The following PDPN variants were observed in gnomAD, a reference collection of about 807,000 sequenced individuals.
PDPN encodes podoplanin.
In PDPN, 12 loss-of-function variants were observed where a neutral mutation model predicts 23.2. The observed-to-expected ratio is 0.52, with a 90% CI of 0.33 to 0.84. The LOEUF (loss-of-function observed/expected upper bound fraction) is 0.84. PDPN is among the 40% of genes least tolerant of loss of function. PDPN has a pLI of 0.02. For missense variants in PDPN, 199 were observed against 212.2 expected (o/e 0.94, Z 0.39); for synonymous variants, 77 against 76.7 (o/e 1.00, Z -0.02).
intron 1 of PDPN, among the ~76,000 whole-genome samples, chr1:13,604,583 A>G (rs1041817642): frequency 6.6e-6 from 1 of 150,994 alleles, no homozygotes; most frequent in Non-Finnish European, 1.5e-5. Context: ...AAAGAATTCA[A>G]TCTAATTTCA....
intron 1 of PDPN, among the ~76,000 whole-genome samples, chr1:13,603,906 TA>T (rs1389619805): frequency 6.6e-6 from 1 of 152,158 alleles, no homozygotes; most frequent in African/African-American, 2.4e-5. Context: ...TTTTTTAAAA[TA>T]ATCACAACAA....
At chr1:13,586,991 C>A (rs1239648073) in intron 1 of PDPN, among the ~76,000 whole-genome samples, 1 of 152,180 alleles carries the variant, frequency 6.6e-6, no homozygotes, top group African/African-American at 2.4e-5. Context: ...GCGGCAGTTG[C>A]AGTGAACCAA....
chr1:13,585,510 C>A, intron 1 of PDPN: 2 of 1,349,698 alleles, frequency 1.5e-6, no homozygotes, highest in Non-Finnish European at 2.0e-6. Context: ...CTCACCAGGG[C>A]AAAGCAAGGG....
In PDPN at chr1:13,599,373, C is replaced by CTTTTT. The variant is rs70984267; in HGVS notation, c.68-7774_68-7770dup. ...TATCTTGATGTGTTCGAGAAGCTAT[C>CTTTTT]TTTTTTTTTTTTTTTTTTTTTTTTT... On this transcript the variant is annotated intron_variant, in intron 1 of 5. Transcript: ENST00000621990. Among the ~76,000 whole-genome samples the CTTTTT allele has an allele frequency of 5.1e-4, 39 of 77,106 alleles. 3 individuals carry two copies. Among genetic ancestry groups the CTTTTT allele is most frequent in the African/African-American group, 1.6e-3 (27 of 17,364 alleles). 50.6% of individuals were successfully genotyped at this position (77,106 alleles called of 152,430 possible).
At chr1:13,597,240 A>G (rs1452930290) in intron 1 of PDPN, among the ~76,000 whole-genome samples, 2 of 152,180 alleles carry the variant, frequency 1.3e-5, no homozygotes, top group African/African-American at 2.4e-5. Context: ...CTGCTTCTCA[A>G]TAGCCACAAG....
At position 13,610,106 on chromosome 1, in the gene PDPN, C is replaced by T. The variant is rs1017814791; in HGVS notation, c.202-281C>T. ...AAAATAAAAAAATAAAGCTGAATAACGTTCTGTTGCATGTATAGACCATAC... is the reference window on the plus strand; with the variant it reads ...AAAATAAAAAAATAAAGCTGAATAATGTTCTGTTGCATGTATAGACCATAC... On this transcript the variant is annotated intron_variant, in intron 2 of 5. Transcript: ENST00000621990. Among the ~76,000 whole-genome samples, 8 of 152,086 alleles carry T rather than the reference C, an allele frequency of 5.3e-5. No homozygotes were observed. The East Asian group carries it at 5.8e-4, about 11-fold the overall frequency.
At chr1:13,606,011 T>G (rs1226327442) in intron 1 of PDPN, among the ~76,000 whole-genome samples, 1 of 150,504 alleles carries the variant, frequency 6.6e-6, no homozygotes, top group Non-Finnish European at 1.5e-5. Flanking sequence ...GTTTGGCTCT[T>G]TTTTTTTTGG....
intron 2 of PDPN, among the ~76,000 whole-genome samples, chr1:13,610,003 G>A (rs566319711): frequency 1.2e-3 from 186 of 152,262 alleles, no homozygotes; most frequent in African/African-American, 4.3e-3. Flanking sequence ...GGCAAAGCTT[G>A]CGGTGAAACG....
chr1:13,606,865 A>C (rs1422078399), intron 1 of PDPN, among the ~76,000 whole-genome samples: 2 of 152,130 alleles, frequency 1.3e-5, no homozygotes, highest in Non-Finnish European at 2.9e-5. Context: ...TCCTTATTGA[A>C]AAGGAAAGAT....
chr1:13,601,919 A>G (rs143687447), intron 1 of PDPN, among the ~76,000 whole-genome samples: 1 of 152,210 alleles, frequency 6.6e-6, no homozygotes, highest in African/African-American at 2.4e-5. Flanking sequence ...AAGAAGTTTG[A>G]CTACTGATAG....
At chr1:13,586,239 T>C (rs139421985) in intron 1 of PDPN, among the ~76,000 whole-genome samples, 1 of 152,316 alleles carries the variant, frequency 6.6e-6, no homozygotes, top group East Asian at 1.9e-4. Flanking sequence ...TTCCCTGTGA[T>C]TTCCCCGAAA....
intron 5 of PDPN, among the ~76,000 whole-genome samples, chr1:13,615,498 G>T (rs1266761617): frequency 6.6e-6 from 1 of 152,032 alleles, no homozygotes; most frequent in Non-Finnish European, 1.5e-5. Context: ...ATGTTGGCCA[G>T]GATGGTCTCA....
intron 1 of PDPN, among the ~76,000 whole-genome samples, chr1:13,587,882 C>T (rs952155866): frequency 1.3e-5 from 2 of 152,180 alleles, no homozygotes; most frequent in Non-Finnish European, 2.9e-5. Context: ...GGCCTGTTGG[C>T]AGCCAGTCAG....
At chr1:13,601,438 C>T (rs1385962906) in intron 1 of PDPN, among the ~76,000 whole-genome samples, 3 of 152,246 alleles carry the variant, frequency 2.0e-5, no homozygotes, top group African/African-American at 4.8e-5. Context: ...CTCCCTGCAA[C>T]GTCTGCCTCC....
intron 1 of PDPN, among the ~76,000 whole-genome samples, chr1:13,591,970 G>A (rs1364851372): frequency 6.6e-6 from 1 of 152,156 alleles, no homozygotes; most frequent in African/African-American, 2.4e-5. Context: ...ACCAACACTT[G>A]TTCTCTTTCT....
intron 1 of PDPN, among the ~76,000 whole-genome samples, chr1:13,588,842 C>T (rs942015688): frequency 6.6e-6 from 1 of 151,582 alleles, no homozygotes; most frequent in Non-Finnish European, 1.5e-5. Flanking sequence ...CCACACCCAA[C>T]TGTTTTTGTA....
At chr1:13,597,297 C>T (rs1323114227) in intron 1 of PDPN, among the ~76,000 whole-genome samples, 1 of 152,192 alleles carries the variant, frequency 6.6e-6, no homozygotes, top group African/African-American at 2.4e-5. Context: ...CATTTATTTG[C>T]ACATTTAGAC....
chr1:13,591,303 C>A (rs1357967857), intron 1 of PDPN, among the ~76,000 whole-genome samples: 1 of 152,186 alleles, frequency 6.6e-6, no homozygotes, highest in Non-Finnish European at 1.5e-5. Flanking sequence ...TGACTTGTTA[C>A]TAGTCACCTC....
intron 1 of PDPN, among the ~76,000 whole-genome samples, chr1:13,594,876 T>C (rs1323298928): frequency 6.6e-6 from 1 of 151,042 alleles, no homozygotes; most frequent in Non-Finnish European, 1.5e-5. Flanking sequence ...GCACCTGTAG[T>C]CCCAGCTACT....
Sources: allele counts gnomAD v4.1 joint callset (sites outside exome capture counted in the v4.1 genomes callset), GRCh38; gene constraint gnomAD v4.1.1; transcripts MANE v1.5; gene names NCBI Gene and HGNC (gene_info 2026-07-23, HGNC 2026-07-21).